Variants in ZNF454 observed in about 807,000 individuals in gnomAD.
ZNF454 encodes zinc finger protein 454.
A neutral mutation model predicts 48.2 loss-of-function variants in ZNF454; 30 were observed. The observed-to-expected ratio is 0.62, with a 90% CI of 0.47 to 0.84. The LOEUF (loss-of-function observed/expected upper bound fraction) is 0.84. Ranked by LOEUF, ZNF454 falls within the 40% of genes least tolerant of loss-of-function variation. The pLI, the probability that ZNF454 is intolerant of heterozygous loss-of-function variation, is 0.00. For missense variants in ZNF454, 510 were observed against 623.1 expected (o/e 0.82, Z 1.93); for synonymous variants, 204 against 211.4 (o/e 0.97, Z 0.30).
intron 4 of ZNF454, among the ~76,000 whole-genome samples, chr5:178,953,484 A>C (rs1759632570): frequency 6.6e-6 from 1 of 152,094 alleles, no homozygotes; most frequent in African/African-American, 2.4e-5. Context: ...TCTGGTGCCC[A>C]GCTGGCATCC....
chr5:178,986,037 C>G, the ZNF454 span: 1 of 1,194,156 alleles, frequency 8.4e-7, no homozygotes. Context: ...GCTGGGACTA[C>G]AGGCGTGTGC....
At chr5:178,968,444 T>G (rs1760197963), downstream of ZNF454, among the ~76,000 whole-genome samples, 1 of 152,180 alleles carries the variant, frequency 6.6e-6, no homozygotes, top group Non-Finnish European at 1.5e-5. Context: ...CCAAGTAATC[T>G]AAATTCAGCC....
intron 2 of ZNF454, among the ~76,000 whole-genome samples, chr5:178,945,137 CGT>C (rs1266286741): frequency 2.8e-5 from 3 of 107,608 alleles, no homozygotes; most frequent in African/African-American, 7.7e-5. Context: ...GCGTGTGTGT[CGT>C]GTGTGTGTTG....
At chr5:178,972,701 C>T in the ZNF454 span, among the ~76,000 whole-genome samples, 2 of 152,072 alleles carry the variant, frequency 1.3e-5, no homozygotes. Flanking sequence ...TTTGGTGGCT[C>T]ACCCCCTTCT....
At chr5:178,956,493 G>A (rs895281037) in intron 4 of ZNF454, among the ~76,000 whole-genome samples, 4 of 126,168 alleles carry the variant, frequency 3.2e-5, no homozygotes, top group Non-Finnish European at 6.4e-5. Flanking sequence ...TCCGTCCAGA[G>A]CAACTTTGTT....
At chr5:178,943,608 A>G (rs1296610385) in intron 2 of ZNF454, among the ~76,000 whole-genome samples, 1 of 152,190 alleles carries the variant, frequency 6.6e-6, no homozygotes, top group Non-Finnish European at 1.5e-5. Flanking sequence ...GGGAGGTGTG[A>G]TTTACTAGAC....
chr5:178,948,994 C>G (rs999711265), intron 4 of ZNF454, among the ~76,000 whole-genome samples: 5 of 151,114 alleles, frequency 3.3e-5, no homozygotes, highest in Admixed American at 1.3e-4. Flanking sequence ...CCTCAGGCTC[C>G]TAAATAGCTG....
chr5:178,959,845 T>C (rs1365077080), intron 4 of ZNF454, among the ~76,000 whole-genome samples: 1 of 151,926 alleles, frequency 6.6e-6, no homozygotes, highest in African/African-American at 2.4e-5. Flanking sequence ...GACCTCGTGA[T>C]CCACCCGCCT....
chr5:178,986,318 C>T, the ZNF454 span: 1 of 1,614,060 alleles, frequency 6.2e-7, no homozygotes, highest in Admixed American at 1.7e-5. Flanking sequence ...ACCGCGGCCC[C>T]AGGCTCAGCC....
At chr5:178,971,172 C>T (rs549722726), downstream of ZNF454, among the ~76,000 whole-genome samples, 1 of 152,264 alleles carries the variant, frequency 6.6e-6, no homozygotes, top group South Asian at 2.1e-4. Flanking sequence ...CTCGGGATAA[C>T]AAATGTACTC....
chr5:178,968,673 T>C (rs1760199918), downstream of ZNF454: 1 of 424,524 alleles, frequency 2.4e-6, no homozygotes, highest in African/African-American at 2.0e-5. Context: ...CTGCTACAGA[T>C]GTCTGTCTTC....
the ZNF454 span, chr5:178,983,496 G>A: frequency 6.2e-6 from 4 of 649,726 alleles, no homozygotes. Flanking sequence ...CATCAGTGCA[G>A]TGTGCATAAG....
intron 4 of ZNF454, among the ~76,000 whole-genome samples, chr5:178,957,684 C>T (rs1759834202): frequency 6.6e-6 from 1 of 152,110 alleles, no homozygotes; most frequent in Non-Finnish European, 1.5e-5. Flanking sequence ...TTAGCCTACC[C>T]TGAAGTGACC....
At chr5:178,955,957 C>T (rs1044122763) in intron 4 of ZNF454, among the ~76,000 whole-genome samples, 1 of 152,164 alleles carries the variant, frequency 6.6e-6, no homozygotes, top group Admixed American at 6.5e-5. Context: ...TGTGCCATGA[C>T]CTGGAGTCTG....
the ZNF454 span, chr5:178,982,906 T>C: frequency 1.2e-6 from 2 of 1,610,894 alleles, no homozygotes; most frequent in African/African-American, 1.3e-5. Context: ...GGGGACCTCA[T>C]TACCTTTTCA....
intron 4 of ZNF454, among the ~76,000 whole-genome samples, chr5:178,950,551 C>T (rs889217009): frequency 6.6e-6 from 1 of 152,164 alleles, no homozygotes; most frequent in African/African-American, 2.4e-5. Context: ...TATAAATTGT[C>T]CACTCACCAA....
rs555321514 is a variant in ZNF454, at chr5:178,946,028, C to A, written c.34-331C>A. Among the ~76,000 whole-genome samples, 1 of 152,088 alleles carries A rather than the reference C, an allele frequency of 6.6e-6. No individual in the cohort carries two copies. Among genetic ancestry groups the A allele is most frequent in the South Asian group, 2.1e-4 (1 of 4,814 alleles). ...TGCTGAGACCTGCGTAGGATTTGGT[C>A]CCCTGGGGTGAGCGGAGAGGCAGGG... On this transcript the variant is annotated intron_variant, in intron 2 of 4. Coordinates refer to ENST00000519564, the MANE Select transcript of ZNF454 (RefSeq NM_001178089.3). The surrounding 1 kb of genome is among the most constrained non-coding windows in gnomAD (Gnocchi z 4.5).
At chr5:178,977,985 T>A in the ZNF454 span, among the ~76,000 whole-genome samples, 1 of 152,226 alleles carries the variant, frequency 6.6e-6, no homozygotes, top group East Asian at 1.9e-4. Flanking sequence ...TTATTCCTTC[T>A]TGGTTCCTAT....
the ZNF454 span, chr5:178,985,400 G>T: frequency 8.9e-6 from 3 of 336,556 alleles, no homozygotes; most frequent in East Asian, 1.7e-4. Context: ...ATTTCCTGTG[G>T]CCTTAAAAAA....
Sources: allele counts gnomAD v4.1 joint callset (sites outside exome capture counted in the v4.1 genomes callset), GRCh38; gene constraint gnomAD v4.1.1; non-coding constraint Gnocchi (gnomAD v3.1); transcripts MANE v1.5; gene names NCBI Gene and HGNC (gene_info 2026-07-23, HGNC 2026-07-21).